PRPSAP2: variants seen among roughly 807,000 people sequenced by gnomAD.
PRPSAP2 encodes the protein phosphoribosyl pyrophosphate synthetase associated protein 2.
In PRPSAP2, 24 loss-of-function variants were observed where a neutral mutation model predicts 40.6. The observed-to-expected ratio is 0.59, with a 90% CI of 0.43 to 0.83. The LOEUF is 0.83. PRPSAP2 is among the 40% of genes least tolerant of loss of function. PRPSAP2 has a pLI of 0.00. For synonymous variants in PRPSAP2, 149 were observed against 164.7 expected, an observed-to-expected ratio of 0.90 and a Z score of 0.73; for missense variants, 292 against 465.6, an observed-to-expected ratio of 0.63 and a Z score of 3.43.
intron 6 of PRPSAP2, among the ~76,000 whole-genome samples, chr17:18,878,903 T>G (rs867716623): frequency 1.3e-5 from 2 of 149,644 alleles, no homozygotes; most frequent in African/African-American, 2.5e-5. Flanking sequence ...GGAGTCTTGC[T>G]CCGTTGCCCA....
chr17:18,910,423 C>CA (rs909344170), intron 8 of PRPSAP2, among the ~76,000 whole-genome samples: 83 of 150,420 alleles, frequency 5.5e-4, no homozygotes, highest in African/African-American at 1.8e-3. Context: ...GACTCCATCT[C>CA]AAAAAAAAAT....
intron 6 of PRPSAP2, 99 bp from the exon 7 acceptor site, chr17:18,882,469 C>A: frequency 1.3e-6 from 1 of 750,588 alleles, no homozygotes. Context: ...TATGGTCATG[C>A]CACTGCACTC....
chr17:18,867,570 C>T (rs1003649390), intron 4 of PRPSAP2, among the ~76,000 whole-genome samples: 7 of 152,162 alleles, frequency 4.6e-5, no homozygotes, highest in African/African-American at 1.7e-4. Context: ...AGACTTCATT[C>T]AGTAAAAGCT....
At chr17:18,923,778 G>C in intron 9 of PRPSAP2, 136 bp from the exon 10 acceptor site, 1 of 751,008 alleles carries the variant, frequency 1.3e-6, no homozygotes, top group Non-Finnish European at 2.1e-6. Context: ...TTTTGTAGTT[G>C]CCCTTAATCA....
rs145666017 is a variant in PRPSAP2 at position 18,930,918 on chromosome 17, T to C, written c.*220T>C. On this transcript the variant is annotated 3_prime_UTR_variant, in exon 12 of 12. Transcript: ENST00000268835. ...AAAAGAAAAACTTTATTCTCCTCTT[T>C]TGAAAAGGTAAGACCTCGTTTTAGT... 2.7e-6 allele frequency: 1 copy of C among 366,012 alleles called. No individual in the cohort carries two copies. The highest frequency in any genetic ancestry group is 2.0e-5 in the African/African-American group (1 of 48,892). The allele number at this position is 366,012 out of a possible 1,614,324, so 22.7% of individuals were successfully genotyped here. A position where few individuals can be genotyped will look rare whatever the true frequency, so the allele number is the denominator to read the frequency against.
intron 8 of PRPSAP2, among the ~76,000 whole-genome samples, chr17:18,896,181 T>C (rs2039894624): frequency 6.6e-6 from 1 of 152,130 alleles, no homozygotes; most frequent in Non-Finnish European, 1.5e-5. Context: ...CAATTCCCAG[T>C]GTTTGTTGTT....
At chr17:18,926,178 A>G (rs562268039) in intron 10 of PRPSAP2, among the ~76,000 whole-genome samples, 10 of 152,084 alleles carry the variant, frequency 6.6e-5, no homozygotes, top group Non-Finnish European at 1.2e-4. Flanking sequence ...GGCAAAGTCT[A>G]TAGTAACAAG....
At chr17:18,862,213 G>A (rs192507903) in intron 1 of PRPSAP2, among the ~76,000 whole-genome samples, 39 of 152,274 alleles carry the variant, frequency 2.6e-4, no homozygotes, top group Middle Eastern at 3.4e-3. Flanking sequence ...GAAGAATTTG[G>A]AATGATGGGC....
intron 8 of PRPSAP2, chr17:18,904,912 A>G (rs922871864): frequency 1.3e-5 from 2 of 152,210 alleles, no homozygotes; most frequent in Admixed American, 1.3e-4. Context: ...CAGAGAAACC[A>G]TCCTGATTGA....
At chr17:18,921,452 A>G (rs2041684823) in intron 9 of PRPSAP2, among the ~76,000 whole-genome samples, 1 of 152,156 alleles carries the variant, frequency 6.6e-6, no homozygotes, top group African/African-American at 2.4e-5. Context: ...TCTGGAATTT[A>G]TCTTGCTTTG....
intron 8 of PRPSAP2, among the ~76,000 whole-genome samples, chr17:18,894,479 C>CTTTTTTTTTTTTTTTTTT (rs1201159228): frequency 5.0e-5 from 6 of 120,580 alleles, no homozygotes; most frequent in African/African-American, 1.3e-4. Flanking sequence ...TTTCAATAGT[C>CTTTTTTTTTTTTTTTTTT]TTTTTTTTTT....
intron 9 of PRPSAP2, among the ~76,000 whole-genome samples, chr17:18,919,591 A>G (rs1257912246): frequency 6.6e-6 from 1 of 152,094 alleles, no homozygotes; most frequent in East Asian, 1.9e-4. Flanking sequence ...ACTTGAACCC[A>G]GGAAGTCGAG....
chr17:18,920,847 T>G (rs1209850003), intron 9 of PRPSAP2, among the ~76,000 whole-genome samples: 1 of 152,186 alleles, frequency 6.6e-6, no homozygotes, highest in African/African-American at 2.4e-5. Flanking sequence ...CACTTTAATT[T>G]GGTGAGCCTC....
At chr17:18,903,044 A>G (rs564130888) in intron 8 of PRPSAP2, among the ~76,000 whole-genome samples, 18 of 152,178 alleles carry the variant, frequency 1.2e-4, no homozygotes, top group Middle Eastern at 6.8e-3. Flanking sequence ...TTTGACTGGT[A>G]GGTCAGTTGG....
chr17:18,898,035 T>A (rs2040031408), intron 8 of PRPSAP2, among the ~76,000 whole-genome samples: 1 of 142,140 alleles, frequency 7.0e-6, no homozygotes, highest in Admixed American at 7.4e-5. Context: ...TGTCTCGCTC[T>A]GTCACCAGGT....
chr17:18,887,270 A>G (rs902260056), intron 7 of PRPSAP2, among the ~76,000 whole-genome samples: 6 of 150,932 alleles, frequency 4.0e-5, no homozygotes, highest in African/African-American at 1.5e-4. Context: ...AATTTTAATG[A>G]AAAGAATCAT....
chr17:18,929,247 C>T (rs183821761), intron 11 of PRPSAP2, among the ~76,000 whole-genome samples: 46 of 152,104 alleles, frequency 3.0e-4, no homozygotes, highest in Non-Finnish European at 6.0e-4. Context: ...ATCCCAGCTA[C>T]TTGGGAGGCT....
chr17:18,911,268 C>G lies in PRPSAP2; in HGVS notation c.733+17C>G, dbSNP rs2040942701. 6.3e-7 allele frequency: 1 copy of G among 1,587,130 alleles called. No homozygotes were observed. Among genetic ancestry groups the G allele is most frequent in the Non-Finnish European group, 8.6e-7 (1 of 1,162,160 alleles). On this transcript the variant is annotated intron_variant, in intron 9 of 11. Transcript: ENST00000268835. This position sits in a 1 kb window ranked among gnomAD's most constrained non-coding sequence, Gnocchi z 4.5. ...AGATCCCCAGTAAGTGTGCTGCTGC[C>G]TCTTTCCCACTTTCCTCTGATTTTA... is the stretch of plus-strand genomic sequence containing the variant.
At chr17:18,905,032 TA>T (rs1298285901) in intron 8 of PRPSAP2, 2 of 152,202 alleles carry the variant, frequency 1.3e-5, no homozygotes. Context: ...TTTACTTATT[TA>T]TTTTTTTGAG....
Sources: gnomAD v4.1 joint callset for allele counts (sites outside exome capture counted in the v4.1 genomes callset) on GRCh38, gnomAD v4.1.1 for gene constraint, Gnocchi (gnomAD v3.1) non-coding constraint, MANE v1.5 for transcripts, NCBI Gene and HGNC (gene_info 2026-07-23, HGNC 2026-07-21) for gene names.